Variants in MAMDC2 observed in about 807,000 individuals in gnomAD.
MAMDC2 encodes the protein MAM domain containing 2.
In MAMDC2, 57 loss-of-function variants were observed where a neutral mutation model predicts 89.8. That is an observed-to-expected ratio of 0.63 (90% CI 0.51 to 0.79). The LOEUF (loss-of-function observed/expected upper bound fraction) is 0.79, where lower values mean the gene tolerates loss of function less well. MAMDC2 is among the 30% of genes least tolerant of loss of function. The pLI, the probability that MAMDC2 is intolerant of heterozygous loss-of-function variation, is 0.00. For synonymous variants in MAMDC2, 313 were observed against 293.4 expected, an observed-to-expected ratio of 1.07 and a Z score of -0.68; for missense variants, 800 against 820.6, an observed-to-expected ratio of 0.97 and a Z score of 0.31.
intron 11 of MAMDC2, among the ~76,000 whole-genome samples, chr9:70,186,703 G>T (rs2032761389): frequency 1.3e-5 from 2 of 152,120 alleles, no homozygotes; most frequent in South Asian, 4.1e-4. Context: ...GTTTTATTTG[G>T]CTCATGGTTC....
chr9:70,209,115 G>A (rs922021352), intron 11 of MAMDC2, among the ~76,000 whole-genome samples: 7 of 152,158 alleles, frequency 4.6e-5, no homozygotes, highest in Admixed American at 1.3e-4. Context: ...TCTCTGCCAG[G>A]CTTTGGTATC....
At chr9:70,105,281 G>A (rs538216094) in intron 2 of MAMDC2, among the ~76,000 whole-genome samples, 8 of 152,256 alleles carry the variant, frequency 5.3e-5, no homozygotes, top group Non-Finnish European at 1.2e-4. Context: ...CAACTCAAGT[G>A]CCAACTCAGA....
chr9:70,200,711 A>G (rs1172503160), intron 11 of MAMDC2, among the ~76,000 whole-genome samples: 2 of 142,116 alleles, frequency 1.4e-5, no homozygotes, highest in Non-Finnish European at 3.1e-5. Flanking sequence ...ATTTGTTTGT[A>G]TCCTCTTTTA....
At chr9:70,070,338 A>G (rs1827374174) in intron 2 of MAMDC2, among the ~76,000 whole-genome samples, 1 of 152,240 alleles carries the variant, frequency 6.6e-6, no homozygotes, top group Admixed American at 6.5e-5. Flanking sequence ...CTAAGAAAAG[A>G]AAATTTGGCT....
At chr9:70,214,290 A>G (rs1002331039) in intron 11 of MAMDC2, among the ~76,000 whole-genome samples, 6 of 152,252 alleles carry the variant, frequency 3.9e-5, no homozygotes, top group African/African-American at 1.4e-4. Flanking sequence ...ACATCTGAGC[A>G]AAGACTTAAA....
At chr9:70,198,176 A>C (rs1190288857) in intron 11 of MAMDC2, among the ~76,000 whole-genome samples, 3 of 26,460 alleles carry the variant, frequency 1.1e-4, no homozygotes, top group Admixed American at 6.2e-4. Flanking sequence ...ATATATATAT[A>C]TATATACACA....
Position 70,226,275 on chromosome 9 carries a change from T to C in MAMDC2, c.*243T>C, listed in dbSNP as rs2033638829. ...TTTGCATAGATCATTCATCTTAATT[T>C]TGGTACCAGTTAAAAATACAAATGT... On this transcript the variant is annotated 3_prime_UTR_variant, in exon 14 of 14. Coordinates refer to ENST00000377182, the MANE Select transcript of MAMDC2 (RefSeq NM_153267.5). 3.5e-6 allele frequency: 1 copy of C among 281,860 alleles called. No individual in the cohort carries two copies. The highest frequency in any genetic ancestry group is 2.2e-5 in the African/African-American group (1 of 45,464). 17.5% of individuals were successfully genotyped at this position (281,860 alleles called of 1,614,324 possible). A position where few individuals can be genotyped will look rare whatever the true frequency, so the allele number is the denominator to read the frequency against.
intron 9 of MAMDC2, among the ~76,000 whole-genome samples, chr9:70,159,625 C>T (rs947920885): frequency 6.6e-6 from 1 of 152,190 alleles, no homozygotes; most frequent in Non-Finnish European, 1.5e-5. Flanking sequence ...AGAGGAGGAC[C>T]TAGATTCTTC....
At chr9:70,075,454 T>A (rs970445330) in intron 2 of MAMDC2, among the ~76,000 whole-genome samples, 1 of 152,236 alleles carries the variant, frequency 6.6e-6, no homozygotes, top group Admixed American at 6.5e-5. Flanking sequence ...AGGTGGATTA[T>A]AAGGATCTTC....
rs189838010 is a variant in MAMDC2 at position 70,185,945 on chromosome 9, G to A, written c.1651+15314G>A. The stretch of plus-strand genomic sequence containing the variant: ...TCAGTTGGAAATGCAAAAATCACTC[G>A]TCTTCTGCATAGGTCTTGCTAGGAG... On this transcript the variant is annotated intron_variant, in intron 11 of 13. Transcript: ENST00000377182. Among the ~76,000 whole-genome samples, 136 of 152,210 alleles carry A rather than the reference G, an allele frequency of 8.9e-4. 1 individual carries two copies. The highest frequency in any genetic ancestry group is 3.1e-3 in the African/African-American group (127 of 41,520).
At chr9:70,126,006 A>G (rs868604803) in intron 5 of MAMDC2, among the ~76,000 whole-genome samples, 153 bp from the exon 6 acceptor site, 15 of 152,100 alleles carry the variant, frequency 9.9e-5, no homozygotes, top group Non-Finnish European at 1.9e-4. Context: ...CCATCCACTC[A>G]TGGCCAAACC....
intron 7 of MAMDC2, among the ~76,000 whole-genome samples, chr9:70,135,935 G>C (rs900661410): frequency 6.6e-6 from 1 of 152,134 alleles, no homozygotes; most frequent in Non-Finnish European, 1.5e-5. Flanking sequence ...TGGATTGCTT[G>C]AGCCTAGGAG....
intron 6 of MAMDC2, 47 bp downstream of exon 6, chr9:70,126,462 A>G: frequency 2.5e-6 from 4 of 1,573,696 alleles, no homozygotes; most frequent in Admixed American, 1.7e-5. Flanking sequence ...CTCTTTAGAC[A>G]TGCCACCCAC....
intron 2 of MAMDC2, among the ~76,000 whole-genome samples, chr9:70,075,178 C>T (rs1324061360): frequency 6.6e-6 from 1 of 152,164 alleles, no homozygotes; most frequent in East Asian, 1.9e-4. Context: ...TAACTTGCCC[C>T]AGAGCACACA....
chr9:70,112,720 CAG>C (rs1207457541), intron 4 of MAMDC2, among the ~76,000 whole-genome samples: 7 of 152,058 alleles, frequency 4.6e-5, no homozygotes, highest in Non-Finnish European at 1.0e-4. Context: ...TATGGAGACA[CAG>C]AGGCTACAAA....
chr9:70,193,806 G>A (rs1342599026), intron 11 of MAMDC2, among the ~76,000 whole-genome samples: 1 of 152,020 alleles, frequency 6.6e-6, no homozygotes, highest in Non-Finnish European at 1.5e-5. Flanking sequence ...ACTTTCTGAA[G>A]ATATACCTGT....
At chr9:70,182,463 T>C (rs1268182236) in intron 11 of MAMDC2, among the ~76,000 whole-genome samples, 4 of 152,176 alleles carry the variant, frequency 2.6e-5, no homozygotes, top group African/African-American at 9.6e-5. Flanking sequence ...TGGTAGAATT[T>C]GGCTGTGAAT....
chr9:70,194,881 C>T (rs1024466379), intron 11 of MAMDC2, among the ~76,000 whole-genome samples: 3 of 152,008 alleles, frequency 2.0e-5, no homozygotes, highest in Admixed American at 6.6e-5. Flanking sequence ...GAAATTCTGT[C>T]GGAACCTTAG....
chr9:70,166,086 C>T (rs2032160409), intron 9 of MAMDC2, among the ~76,000 whole-genome samples: 1 of 151,802 alleles, frequency 6.6e-6, no homozygotes, highest in Admixed American at 6.6e-5. Flanking sequence ...GCTAAAAATA[C>T]AAAAATTAGC....
Sources: allele counts gnomAD v4.1 joint callset (sites outside exome capture counted in the v4.1 genomes callset), GRCh38; gene constraint gnomAD v4.1.1; transcripts MANE v1.5; gene names NCBI Gene and HGNC (gene_info 2026-07-23, HGNC 2026-07-21).